The following LRFN5 variants were observed in gnomAD, a reference collection of about 807,000 sequenced individuals.
The protein encoded by LRFN5 is leucine rich repeat and fibronectin type III domain containing 5.
In LRFN5, 24 loss-of-function variants were observed where a neutral mutation model predicts 45.6. That is an observed-to-expected ratio of 0.53 (90% CI 0.38 to 0.74). LRFN5 has a LOEUF of 0.74. Among genes scored for constraint, LRFN5 ranks in the 30% least tolerant of loss-of-function variants. LRFN5 has a pLI of 0.00. For missense variants in LRFN5, 776 were observed against 861.5 expected (o/e 0.90, Z 1.24); for synonymous variants, 340 against 313.8 (o/e 1.08, Z -0.88).
At chr14:41,773,788 A>G (rs774087919) in intron 2 of LRFN5, among the ~76,000 whole-genome samples, 13 of 152,174 alleles carry the variant, frequency 8.5e-5, no homozygotes, top group Admixed American at 3.3e-4. Flanking sequence ...AGAAGTACCA[A>G]TTTTCTGGCT....
chr14:41,816,998 G>GTT (rs200326943), intron 2 of LRFN5, among the ~76,000 whole-genome samples: 32,458 of 129,794 alleles, frequency 0.25, 4,458 homozygotes, highest in Middle Eastern at 0.37. Context: ...AATGTGGGAA[G>GTT]TTTTTTTTTT....
At chr14:41,679,687 G>T (rs564343684) in intron 1 of LRFN5, among the ~76,000 whole-genome samples, 30 of 152,176 alleles carry the variant, frequency 2.0e-4, no homozygotes, top group African/African-American at 6.7e-4. Context: ...CATTCCCAGC[G>T]GTGGTAGCTA....
chr14:41,631,128 C>G (rs1043333758), intron 1 of LRFN5, among the ~76,000 whole-genome samples: 1 of 152,174 alleles, frequency 6.6e-6, no homozygotes, highest in Admixed American at 6.6e-5. Flanking sequence ...CAAACTTGCT[C>G]TCTGACATTC....
chr14:41,815,509 AG>A (rs1887887089), intron 2 of LRFN5, among the ~76,000 whole-genome samples: 2 of 152,116 alleles, frequency 1.3e-5, no homozygotes, highest in Admixed American at 6.6e-5. Flanking sequence ...AAGTTGAGGC[AG>A]GAAGATCACT....
intron 1 of LRFN5, among the ~76,000 whole-genome samples, chr14:41,621,067 A>G (rs1888119204): frequency 6.6e-6 from 1 of 152,066 alleles, no homozygotes; most frequent in Non-Finnish European, 1.5e-5. Flanking sequence ...TTTTATAGTC[A>G]TTACCTCTAT....
chr14:41,743,304 T>A (rs1001759114), intron 1 of LRFN5, among the ~76,000 whole-genome samples: 2 of 151,650 alleles, frequency 1.3e-5, no homozygotes, highest in Non-Finnish European at 2.9e-5. Flanking sequence ...TGCAAGGTGA[T>A]CAGATATGAA....
intron 2 of LRFN5, among the ~76,000 whole-genome samples, chr14:41,812,008 T>C (rs1254391985): frequency 6.6e-6 from 1 of 152,130 alleles, no homozygotes; most frequent in Non-Finnish European, 1.5e-5. Context: ...TAATTCTTTA[T>C]AGCATAACAT....
At chr14:41,669,087 G>C (rs1881041472) in intron 1 of LRFN5, among the ~76,000 whole-genome samples, 2 of 151,996 alleles carry the variant, frequency 1.3e-5, no homozygotes, top group Admixed American at 6.6e-5. Flanking sequence ...TTTGTATATG[G>C]TGTTGTGAAA....
In LRFN5 at chr14:41,891,989, A is replaced by C. The variant is rs146764287; in HGVS notation, c.2098+27A>C. 2.0e-4 allele frequency: 317 copies of C among 1,602,774 alleles called. 3 individuals are homozygous for C. In the African/African-American group the frequency reaches 3.6e-3, roughly 18 times the overall value. ...TAAGTTTATCACTTTGCCTGCTGAG[A>C]GATCCGGAGCAAGGCACAAGTACTC... On this transcript the variant is annotated intron_variant, in intron 4 of 5. Transcript: ENST00000298119.
chr14:41,785,074 C>T (rs942761285), intron 2 of LRFN5, among the ~76,000 whole-genome samples: 3 of 152,064 alleles, frequency 2.0e-5, no homozygotes, highest in Non-Finnish European at 4.4e-5. Context: ...AAAATAGCCA[C>T]TCTAGCTTTT....
chr14:41,700,374 A>AAT (rs1012481594), intron 1 of LRFN5: 7 of 152,262 alleles, frequency 4.6e-5, no homozygotes, highest in African/African-American at 1.7e-4. Flanking sequence ...GGGGCAAAAA[A>AAT]ATATCTGAAA....
At chr14:41,660,147 TC>T (rs1358365662) in intron 1 of LRFN5, among the ~76,000 whole-genome samples, 1 of 152,102 alleles carries the variant, frequency 6.6e-6, no homozygotes, top group African/African-American at 2.4e-5. Context: ...TGCCCCAGCC[TC>T]CTGAGTAGCT....
intron 2 of LRFN5, among the ~76,000 whole-genome samples, chr14:41,769,721 A>G (rs1886012342): frequency 6.6e-6 from 1 of 152,052 alleles, no homozygotes; most frequent in African/African-American, 2.4e-5. Flanking sequence ...AAAGTGTGTA[A>G]ATTATCACCT....
chr14:41,691,494 A>G (rs1421632389), intron 1 of LRFN5, among the ~76,000 whole-genome samples: 1 of 152,094 alleles, frequency 6.6e-6, no homozygotes, highest in African/African-American at 2.4e-5. Context: ...TCACTGGTCA[A>G]CCTTGCTAAA....
At chr14:41,734,316 T>TTATATATATATATATATATATATG in intron 1 of LRFN5, among the ~76,000 whole-genome samples, 1 of 38,768 alleles carries the variant, frequency 2.6e-5, no homozygotes, top group Non-Finnish European at 6.9e-5. Context: ...TGGACTGGTT[T>TTATATATATATATATATATATATG]TATATATATA....
chr14:41,748,055 C>G (rs1884991353), intron 1 of LRFN5, among the ~76,000 whole-genome samples: 1 of 151,958 alleles, frequency 6.6e-6, no homozygotes, highest in East Asian at 1.9e-4. Flanking sequence ...CCTTTCTACG[C>G]TCTTGATGTG....
At chr14:41,616,434 A>G (rs141276999) in intron 1 of LRFN5, among the ~76,000 whole-genome samples, 26 of 152,292 alleles carry the variant, frequency 1.7e-4, no homozygotes, top group Admixed American at 4.6e-4. Flanking sequence ...GAGGAGCCCT[A>G]GTCCTTAATC....
intron 2 of LRFN5, among the ~76,000 whole-genome samples, chr14:41,807,213 T>A (rs2138982131): frequency 6.6e-6 from 1 of 152,308 alleles, no homozygotes; most frequent in African/African-American, 2.4e-5. Flanking sequence ...ATAGACTTGA[T>A]TTTCTACCTA....
At chr14:41,808,084 A>G (rs1249356376) in intron 2 of LRFN5, among the ~76,000 whole-genome samples, 1 of 150,064 alleles carries the variant, frequency 6.7e-6, no homozygotes, top group Non-Finnish European at 1.5e-5. Flanking sequence ...TTGTCTACAT[A>G]TTTGCACTGT....
Sources: allele counts gnomAD v4.1 joint callset (sites outside exome capture counted in the v4.1 genomes callset), GRCh38; gene constraint gnomAD v4.1.1; transcripts MANE v1.5; gene names NCBI Gene and HGNC (gene_info 2026-07-23, HGNC 2026-07-21).